Variants in PGR observed in about 807,000 individuals in gnomAD.
The protein encoded by PGR is progesterone receptor.
In PGR, 25 loss-of-function variants were observed where a neutral mutation model predicts 76.1. The observed-to-expected ratio is 0.33, with a 90% CI of 0.24 to 0.46. The LOEUF (loss-of-function observed/expected upper bound fraction) is 0.46, where lower values mean the gene tolerates loss of function less well. PGR is among the 20% of genes least tolerant of loss of function. The pLI is 1.00. For missense variants in PGR, 1,172 were observed against 1,225.3 expected, an observed-to-expected ratio of 0.96 and a Z score of 0.65; for synonymous variants, 579 against 535.0, an observed-to-expected ratio of 1.08 and a Z score of -1.14.
In PGR at chr11:101,127,827, G is replaced by T; in HGVS notation, c.1244C>A (p.Pro415Gln). ...GGGCGGTGGCCCCAACGGGAAATCC[G>T]GGAAGGCTGCGGGGTTGGCACCGGC... ...LVAGANPAAFPDFPLGPPPPL... is the reference protein window; with the variant it reads ...LVAGANPAAFQDFPLGPPPPL... The change falls in exon 1 of 8, where the codon CCG (proline) becomes CAG (glutamine). Residue 415 changes from proline (P) to glutamine (Q), a missense_variant. Coordinates refer to ENST00000325455, the MANE Select transcript of PGR (RefSeq NM_000926.4). The T allele has an allele frequency of 6.3e-7, 1 of 1,578,428 alleles. No individual in the cohort carries two copies.
chr11:101,128,936 C>A lies in PGR; in HGVS notation c.135G>T (p.Leu45Phe). The change falls in exon 1 of 8, where the codon TTG (leucine) becomes TTT (phenylalanine). Residue 45 changes from leucine (L) to phenylalanine (F), a missense_variant. Physicochemically the swap from Leu to Phe is conservative, Grantham distance 22. Coordinates refer to ENST00000325455, the MANE Select transcript of PGR (RefSeq NM_000926.4). ...PFPGSQTSDT[L>F]PEVSAIPISL... ...AGATAGGTATGGCCGAAACTTCAGGCAAGGTGTCCGAGGTCTGGCTCCCCG... is the reference window on the plus strand; with the variant it reads ...AGATAGGTATGGCCGAAACTTCAGGAAAGGTGTCCGAGGTCTGGCTCCCCG... 6.2e-7 allele frequency: 1 copy of A among 1,611,858 alleles called. No individual in the cohort carries two copies. The highest frequency in any genetic ancestry group is 1.1e-5 in the South Asian group (1 of 90,996).
Position 101,042,184 on chromosome 11 carries a change from T to A in PGR, c.2489-82A>T, listed in dbSNP as rs2135380044. On this transcript the variant is annotated intron_variant, in intron 6 of 7. Transcript: ENST00000325455. Reference sequence around the variant, plus strand: ...TTATAACATATATTTCTGAGCTATATAATGATTTCTTCTGATACATGACTC... The same window carrying A: ...TTATAACATATATTTCTGAGCTATAAAATGATTTCTTCTGATACATGACTC... 2.8e-6 allele frequency: 4 copies of A among 1,416,414 alleles called. No homozygotes were observed. In the East Asian group the frequency reaches 9.5e-5, roughly 34 times the overall value. The allele number at this position is 1,416,414 out of a possible 1,614,324, so 87.7% of individuals were successfully genotyped here.
intron 3 of PGR, among the ~76,000 whole-genome samples, chr11:101,088,517 A>T (rs983060602): frequency 1.3e-5 from 2 of 151,996 alleles, no homozygotes; most frequent in African/African-American, 4.8e-5. Context: ...TGTTTTTAGT[A>T]GAGACGGGGT....
intron 2 of PGR, among the ~76,000 whole-genome samples, chr11:101,103,728 A>G (rs1277993766): frequency 1.3e-5 from 2 of 152,210 alleles, no homozygotes; most frequent in Non-Finnish European, 2.9e-5. Flanking sequence ...TCCTACTTAA[A>G]TGCATATAGG....
In PGR at chr11:101,113,605, T is replaced by G. The variant is rs140378540; in HGVS notation, c.1789+12402A>C. 1.2e-3 allele frequency among the ~76,000 whole-genome samples: 190 copies of G among 152,256 alleles called. 1 individual carries two copies. The highest frequency in any genetic ancestry group is 4.2e-3 in the African/African-American group (176 of 41,558). On this transcript the variant is annotated intron_variant, in intron 2 of 7. Transcript: ENST00000325455. ...CTAAGTATCATACTACTGAGACACT[T>G]GTCATCATAGGAAAGGTCAGCAATC...
At chr11:101,081,518 G>A (rs1861307978) in intron 3 of PGR, among the ~76,000 whole-genome samples, 1 of 151,972 alleles carries the variant, frequency 6.6e-6, no homozygotes, top group African/African-American at 2.4e-5. Flanking sequence ...AGAGAAAAGT[G>A]CAGATCACAT....
chr11:101,078,627 G>T (rs1464636893), intron 3 of PGR, among the ~76,000 whole-genome samples: 2 of 152,154 alleles, frequency 1.3e-5, no homozygotes. Flanking sequence ...ACCTGTTCAA[G>T]GTAGGGAAGT....
chr11:101,075,631 A>AC (rs1458537746), intron 3 of PGR, among the ~76,000 whole-genome samples: 1 of 151,480 alleles, frequency 6.6e-6, no homozygotes. Context: ...CAAAAAAAAA[A>AC]ACAAAAAACA....
At position 101,091,894 on chromosome 11, in the gene PGR, G is replaced by A. The variant is rs1207536743; in HGVS notation, c.1790-18C>T. 1 of 1,233,816 alleles carries A rather than the reference G, an allele frequency of 8.1e-7. No homozygotes were observed. The highest frequency in any genetic ancestry group is 1.7e-5 in the Admixed American group (1 of 59,188). The allele number at this position is 1,233,816 out of a possible 1,614,324, so 76.4% of individuals were successfully genotyped here. A position where few individuals can be genotyped will look rare whatever the true frequency, so the allele number is the denominator to read the frequency against. On this transcript the variant is annotated intron_variant, in intron 2 of 7. Coordinates refer to ENST00000325455, the MANE Select transcript of PGR (RefSeq NM_000926.4). ...GTGCTGCCCTAAAAAAACAAAATGA[G>A]TCAAAATTATTTACAATATCTAAGA...
At chr11:101,048,314 G>A (rs1013367772) in intron 6 of PGR, among the ~76,000 whole-genome samples, 3 of 152,186 alleles carry the variant, frequency 2.0e-5, no homozygotes, top group Admixed American at 1.3e-4. Context: ...AGTGGTGGTA[G>A]AGGAGAGTAT....
rs963414193 is a variant in PGR, at chr11:101,045,697, A to G, written c.2489-3595T>C. Among the ~76,000 whole-genome samples the G allele has an allele frequency of 2.0e-3, 258 of 132,302 alleles. 1 individual carries two copies. The highest frequency in any genetic ancestry group is 6.7e-3 in the African/African-American group (236 of 35,198). The allele number at this position is 132,302 out of a possible 152,430, so 86.8% of individuals were successfully genotyped here. On this transcript the variant is annotated intron_variant, in intron 6 of 7. Coordinates refer to ENST00000325455, the MANE Select transcript of PGR (RefSeq NM_000926.4). Reference sequence around the variant, plus strand: ...TGTGTGTGTGTGTGTGTGTGTGTGTATGTATGTATATGTGTGAGTACATCA... The same window carrying G: ...TGTGTGTGTGTGTGTGTGTGTGTGTGTGTATGTATATGTGTGAGTACATCA...
chr11:101,121,573 A>C (rs1163762351), intron 2 of PGR, among the ~76,000 whole-genome samples: 1 of 152,206 alleles, frequency 6.6e-6, no homozygotes. Flanking sequence ...ATTTATTGTG[A>C]TGTCTAGGTC....
In PGR at chr11:101,042,048, T is replaced by C; in HGVS notation, c.2543A>G (p.Tyr848Cys). The C allele has an allele frequency of 6.2e-7, 1 of 1,613,530 alleles. No homozygotes were observed. The highest frequency in any genetic ancestry group is 8.5e-7 in the Non-Finnish European group (1 of 1,179,604). The change falls in exon 7 of 8, where the codon TAC (tyrosine) becomes TGC (cysteine). Residue 848 changes from tyrosine to cysteine, a missense_variant. This residue lies in a region of PGR where 166 missense variants were observed against 296.0 expected (regional missense o/e 0.56). Coordinates refer to ENST00000325455, the MANE Select transcript of PGR (RefSeq NM_000926.4). ...QTQFEEMRSSYIRELIKAIGL... is the reference protein window; with the variant it reads ...QTQFEEMRSSCIRELIKAIGL... ...AATTGCCTTGATGAGCTCTCTAATG[T>C]AGCTTGACCTCATCTCCTCAAACTG...
intron 3 of PGR, among the ~76,000 whole-genome samples, chr11:101,075,694 C>T (rs568790773): frequency 8.0e-5 from 12 of 149,408 alleles, no homozygotes; most frequent in Middle Eastern, 3.6e-3. Flanking sequence ...CAAAAGAAGA[C>T]ATTTATGTGG....
chr11:101,123,851 T>C (rs1862756421), intron 2 of PGR, among the ~76,000 whole-genome samples: 1 of 152,216 alleles, frequency 6.6e-6, no homozygotes, highest in Non-Finnish European at 1.5e-5. Context: ...TATGTGCATA[T>C]GTTACCTCCC....
At chr11:101,112,658 G>A (rs1374798568) in intron 2 of PGR, among the ~76,000 whole-genome samples, 6 of 152,132 alleles carry the variant, frequency 3.9e-5, no homozygotes, top group Non-Finnish European at 8.8e-5. Flanking sequence ...TGAGGGGACT[G>A]TCTGCAGGGC....
chr11:101,078,216 G>T (rs1257274648), intron 3 of PGR, among the ~76,000 whole-genome samples: 1 of 152,092 alleles, frequency 6.6e-6, no homozygotes, highest in African/African-American at 2.4e-5. Flanking sequence ...GAGAAGGAGA[G>T]AAACTGGCTT....
At chr11:101,056,069 G>A (rs1860278159) in intron 4 of PGR, among the ~76,000 whole-genome samples, 1 of 151,930 alleles carries the variant, frequency 6.6e-6, no homozygotes, top group South Asian at 2.1e-4. Flanking sequence ...CTTATTAACT[G>A]TAATATCATT....
At position 101,127,715 on chromosome 11, in the gene PGR, G is replaced by T; in HGVS notation, c.1356C>A (p.Ser452=). The T allele has an allele frequency of 6.3e-7, 1 of 1,585,226 alleles. No homozygotes were observed. Among genetic ancestry groups the T allele is most frequent in the Non-Finnish European group, 8.5e-7 (1 of 1,174,506 alleles). ...APASASVSSA[S]SSGSTLECIL... is the part of the protein sequence containing the mutation. ...TGCACTCCAGGGTCGACCCCGAGGAGGACGCAGACGAGACTGAGGCACTGG... is the reference window on the plus strand; with the variant it reads ...TGCACTCCAGGGTCGACCCCGAGGATGACGCAGACGAGACTGAGGCACTGG... The change falls in exon 1 of 8, where the codon TCC becomes TCA. Residue 452 remains serine (S), a synonymous_variant. Transcript: ENST00000325455.
Sources: gnomAD v4.1 joint callset for allele counts (sites outside exome capture counted in the v4.1 genomes callset) on GRCh38, gnomAD v4.1.1 for gene constraint, gnomAD v4.1.1 regional missense constraint, MANE v1.5 for transcripts, NCBI Gene and HGNC (gene_info 2026-07-23, HGNC 2026-07-21) for gene names.